BAHCC1: variants seen among roughly 807,000 people sequenced by gnomAD.
The protein encoded by BAHCC1 is BAH domain and coiled-coil containing 1.
A neutral mutation model predicts 88.2 loss-of-function variants in BAHCC1; 43 were observed. The observed-to-expected ratio is 0.49, with a 90% CI of 0.38 to 0.63. BAHCC1 has a LOEUF of 0.63. Ranked by LOEUF, BAHCC1 falls within the 20% of genes least tolerant of loss-of-function variation. The pLI is 0.00. For synonymous variants in BAHCC1, 1,510 were observed against 745.5 expected, an observed-to-expected ratio of 2.03 and a Z score of -16.71; for missense variants, 3,023 against 1,654.8, an observed-to-expected ratio of 1.83 and a Z score of -14.34.
chr17:81,419,500 GGACC>G (rs1412412605), intron 2 of BAHCC1, among the ~76,000 whole-genome samples: 1 of 152,230 alleles, frequency 6.6e-6, no homozygotes, highest in Non-Finnish European at 1.5e-5. Flanking sequence ...AGTGTGCTTG[GGACC>G]GCCCATCACT....
At chr17:81,448,778 C>T (rs782034709) in intron 11 of BAHCC1, among the ~76,000 whole-genome samples, 1 of 152,134 alleles carries the variant, frequency 6.6e-6, no homozygotes, top group Admixed American at 6.5e-5. Context: ...AGCTGCCTGC[C>T]CTCGGGGGTA....
At position 81,428,241 on chromosome 17, in the gene BAHCC1, G is replaced by A. The variant is rs1045511077; in HGVS notation, c.358+1262G>A. 7.2e-3 allele frequency among the ~76,000 whole-genome samples: 1,091 copies of A among 152,244 alleles called. 10 individuals are homozygous for A. Among genetic ancestry groups the A allele is most frequent in the African/African-American group, 0.025 (1,031 of 41,532 alleles). Reference sequence around the variant, plus strand: ...CTCCTGGGCTGGCTGTGGGGGCCCCGCCTTCCTGGCTCATATGCCCCACCC... The same window carrying A: ...CTCCTGGGCTGGCTGTGGGGGCCCCACCTTCCTGGCTCATATGCCCCACCC... On this transcript the variant is annotated intron_variant, in intron 3 of 27. Transcript: ENST00000675386.
At chr17:81,436,726 C>T (rs558875824) in intron 3 of BAHCC1, among the ~76,000 whole-genome samples, 1 of 152,360 alleles carries the variant, frequency 6.6e-6, no homozygotes, top group East Asian at 1.9e-4. Flanking sequence ...GCTCGAGCCT[C>T]AGCCCCGTGT....
intron 14 of BAHCC1, among the ~76,000 whole-genome samples, chr17:81,453,379 C>T (rs1350273878): frequency 6.6e-6 from 1 of 152,290 alleles, no homozygotes; most frequent in African/African-American, 2.4e-5. Flanking sequence ...ATCCTCCGAG[C>T]TCCTCCAAAC....
At chr17:81,455,171 T>A (rs2064723887) in intron 14 of BAHCC1, 96 bp from the exon 15 acceptor site, 1 of 647,942 alleles carries the variant, frequency 1.5e-6, no homozygotes, top group African/African-American at 1.8e-5. Context: ...TGGAGGAGGG[T>A]GACCCACAGT....
intron 3 of BAHCC1, among the ~76,000 whole-genome samples, chr17:81,430,310 A>G (rs2064246099): frequency 6.6e-6 from 1 of 152,016 alleles, no homozygotes; most frequent in Admixed American, 6.5e-5. Context: ...GGGTGGGGGC[A>G]GGGGCTGCTG....
rs1486766782 is a variant in BAHCC1, at chr17:81,445,638, G to C, written c.3120G>C (p.Gly1040=). Reference sequence around the variant, plus strand: ...TGCGCAGCGCCGAGGAAAAGAATGGGGAGGGTCAGCAGTCCACGGCCGACA... The same window carrying C: ...TGCGCAGCGCCGAGGAAAAGAATGGCGAGGGTCAGCAGTCCACGGCCGACA... ...SRVRSAEEKN[G]EGQQSTADII... is the part of the protein sequence containing the mutation. The change falls in exon 10 of 28, where the codon GGG becomes GGC. Residue 1040 remains glycine, a synonymous_variant. Transcript: ENST00000675386. 4.1e-6 allele frequency: 3 copies of C among 734,318 alleles called. No homozygotes were observed. Among genetic ancestry groups the C allele is most frequent in the African/African-American group, 1.7e-5 (1 of 57,942 alleles). 45.5% of individuals were successfully genotyped at this position (734,318 alleles called of 1,614,324 possible).
chr17:81,430,552 C>G (rs980673154), intron 3 of BAHCC1, among the ~76,000 whole-genome samples: 2 of 152,222 alleles, frequency 1.3e-5, no homozygotes, highest in African/African-American at 4.8e-5. Context: ...GCCAGCTGCT[C>G]CTCTGTCCCC....
intron 3 of BAHCC1, 26 bp downstream of exon 3, chr17:81,427,005 C>A (rs1234474906): frequency 5.0e-6 from 2 of 398,570 alleles, no homozygotes; most frequent in Non-Finnish European, 8.8e-6. Context: ...GGGCTCCCAG[C>A]GACACCCTGG....
At position 81,411,101 on chromosome 17, in the gene BAHCC1, T is replaced by C. The variant is rs2063944392; in HGVS notation, c.178+11184T>C. 3.9e-6 allele frequency: 2 copies of C among 519,276 alleles called. No individual in the cohort carries two copies. The highest frequency in any genetic ancestry group is 1.4e-5 in the South Asian group (1 of 71,586). 32.2% of individuals were successfully genotyped at this position (519,276 alleles called of 1,614,324 possible). ...TCTCTCTGGGGTCACGCTCCCTTGT[T>C]CTCAGTCCCGCAGCCGTCCTCTGCG... is the stretch of plus-strand genomic sequence containing the variant. On this transcript the variant is annotated intron_variant, in intron 2 of 27. Transcript: ENST00000675386. This position sits in a 1 kb window ranked among gnomAD's most constrained non-coding sequence, Gnocchi z 6.2.
chr17:81,461,999 T>C lies in BAHCC1; in HGVS notation c.7336T>C (p.Phe2446Leu), dbSNP rs782141890. 3 of 778,034 alleles carry C rather than the reference T, an allele frequency of 3.9e-6. No homozygotes were observed. The African/African-American group carries it at 5.1e-5, about 13-fold the overall frequency. The allele number at this position is 778,034 out of a possible 1,614,324, so 48.2% of individuals were successfully genotyped here. Reference protein sequence around the residue: ...SVENRPKISAFLPARQLWKWS... With the variant: ...SVENRPKISALLPARQLWKWS... ...GGAAAACCGGCCAAAGATCTCAGCC[T>C]TCCTGCCCGCCCGGCAGCTCTGGAA... is the stretch of plus-strand genomic sequence containing the variant. Residue 2446 changes from phenylalanine (F) to leucine (L), a missense_variant, in exon 26 of 28, where the codon TTC (phenylalanine) becomes CTC (leucine). By Grantham distance (22) the Phe-to-Leu change is conservative. Coordinates refer to ENST00000675386, the MANE Select transcript of BAHCC1 (RefSeq NM_001377448.1).
rs1555655947 is a variant in BAHCC1, at chr17:81,451,987, C to T, written c.4196C>T (p.Ala1399Val). 1.6e-6 allele frequency: 1 copy of T among 627,414 alleles called. No individual in the cohort carries two copies. Among genetic ancestry groups the T allele is most frequent in the South Asian group, 1.9e-5 (1 of 53,522 alleles). 38.9% of individuals were successfully genotyped at this position (627,414 alleles called of 1,614,324 possible). Residue 1399 changes from alanine (A) to valine (V), a missense_variant, in exon 13 of 28, where the codon GCC becomes GTC. By Grantham distance (64) the Ala-to-Val change is moderately conservative. Transcript: ENST00000675386. ...PKTKPVCPLK[A>V]AIDRLDTQEV... ...CCCCACCAGGTGTGCCCCCTGAAGG[C>T]CGCCATCGACCGGCTGGACACGCAG...
chr17:81,398,120 G>T, intron 1 of BAHCC1, among the ~76,000 whole-genome samples: 1 of 152,190 alleles, frequency 6.6e-6, no homozygotes, highest in Non-Finnish European at 1.5e-5. Context: ...TCCTAATTAG[G>T]AATATCAAGC....
chr17:81,428,752 G>C (rs2064228234), intron 3 of BAHCC1, among the ~76,000 whole-genome samples: 1 of 152,220 alleles, frequency 6.6e-6, no homozygotes, highest in African/African-American at 2.4e-5. Context: ...ACTTCCCCTT[G>C]TGCCAACGGC....
intron 2 of BAHCC1, among the ~76,000 whole-genome samples, chr17:81,422,282 A>AT: frequency 6.6e-6 from 1 of 152,340 alleles, no homozygotes; most frequent in South Asian, 2.1e-4. Context: ...AAGTGCTGGG[A>AT]TTACAGGCGT....
chr17:81,415,126 C>T (rs1038261621), intron 2 of BAHCC1, among the ~76,000 whole-genome samples: 10 of 152,208 alleles, frequency 6.6e-5, no homozygotes, highest in African/African-American at 1.9e-4. Flanking sequence ...CGGGCCCGGG[C>T]GAGGGAGCTG....
At chr17:81,425,472 G>A (rs1430088308) in intron 2 of BAHCC1, among the ~76,000 whole-genome samples, 1 of 71,182 alleles carries the variant, frequency 1.4e-5, no homozygotes, top group Non-Finnish European at 2.7e-5. Context: ...GGGTGATGTG[G>A]TTGGTGTGAT....
At chr17:81,413,650 G>A (rs535037743) in intron 2 of BAHCC1, among the ~76,000 whole-genome samples, 7 of 152,328 alleles carry the variant, frequency 4.6e-5, no homozygotes, top group East Asian at 3.9e-4. Context: ...CCACAAGGCC[G>A]CGGGGGCTGC....
chr17:81,448,993 CAG>C (rs1228434551), intron 11 of BAHCC1, among the ~76,000 whole-genome samples: 2 of 152,210 alleles, frequency 1.3e-5, no homozygotes, highest in African/African-American at 4.8e-5. Flanking sequence ...GGGAGGGTCT[CAG>C]GGACCCTCAC....
Sources: allele counts gnomAD v4.1 joint callset (sites outside exome capture counted in the v4.1 genomes callset), GRCh38; gene constraint gnomAD v4.1.1; non-coding constraint Gnocchi (gnomAD v3.1); transcripts MANE v1.5; gene names NCBI Gene and HGNC (gene_info 2026-07-23, HGNC 2026-07-21).